The following EMSY variants were observed in gnomAD, a reference collection of about 807,000 sequenced individuals.
EMSY encodes the protein EMSY transcriptional repressor, BRCA2 interacting.
Under a neutral mutation model 134.6 loss-of-function variants are expected in EMSY, and 26 were observed. The observed-to-expected ratio is 0.19, with a 90% CI of 0.14 to 0.27. The LOEUF (loss-of-function observed/expected upper bound fraction) is 0.27. Among genes scored for constraint, EMSY ranks in the 10% least tolerant of loss-of-function variants. EMSY has a pLI of 1.00. For synonymous variants in EMSY, 579 were observed against 577.8 expected, an observed-to-expected ratio of 1.00 and a Z score of -0.03; for missense variants, 1,305 against 1,611.4, an observed-to-expected ratio of 0.81 and a Z score of 3.26.
chr11:76,488,481 T>C (rs2135635640), intron 8 of EMSY, among the ~76,000 whole-genome samples: 1 of 152,098 alleles, frequency 6.6e-6, no homozygotes, highest in East Asian at 1.9e-4. Flanking sequence ...AAAAACAAAG[T>C]TTAATAAAGT....
At chr11:76,542,286 A>G in exon 18 of EMSY, 1 of 1,614,168 alleles carries the variant, frequency 6.2e-7, no homozygotes, top group Non-Finnish European at 8.5e-7. Flanking sequence ...TGGCTCAGTC[A>G]CAGACCGCAA....
chr11:76,446,987 A>C, exon 2 of EMSY: 1 of 1,613,676 alleles, frequency 6.2e-7, no homozygotes, highest in Non-Finnish European at 8.5e-7. Flanking sequence ...GGATGAATGC[A>C]AAAGAATTCT....
At chr11:76,552,857 G>T (rs1415065679), downstream of EMSY, 1 of 152,112 alleles carries the variant, frequency 6.6e-6, no homozygotes, top group Non-Finnish European at 1.5e-5. Flanking sequence ...TTATGGATGT[G>T]CCATAAGAAA....
At chr11:76,510,809 G>A (rs1565332036) in intron 9 of EMSY, among the ~76,000 whole-genome samples, 1 of 152,208 alleles carries the variant, frequency 6.6e-6, no homozygotes, top group Non-Finnish European at 1.5e-5. Flanking sequence ...GGAGCTGGCA[G>A]AGAAGGAATC....
intron 2 of EMSY, among the ~76,000 whole-genome samples, chr11:76,449,669 A>G (rs1947571945): frequency 6.6e-6 from 1 of 152,168 alleles, no homozygotes. Flanking sequence ...ACTGAGTCCT[A>G]TCAAATAAAA....
intron 11 of EMSY, among the ~76,000 whole-genome samples, chr11:76,517,856 A>G (rs1950500640): frequency 6.6e-6 from 1 of 152,086 alleles, no homozygotes; most frequent in Non-Finnish European, 1.5e-5. Context: ...AAACAACTTT[A>G]TTCATTGTGT....
At chr11:76,451,946 A>G (rs753826449) in exon 3 of EMSY, 1 of 1,575,490 alleles carries the variant, frequency 6.3e-7, no homozygotes, top group Non-Finnish European at 8.6e-7. Context: ...GAGAACTATC[A>G]AAAGTTCTTA....
At chr11:76,496,838 G>T in intron 9 of EMSY, 10 of 301,350 alleles carry the variant, frequency 3.3e-5, no homozygotes, top group East Asian at 9.9e-5. Context: ...CTATAAATAG[G>T]GACAGTTTTG....
At chr11:76,480,907 G>A (rs974947900) in intron 8 of EMSY, among the ~76,000 whole-genome samples, 9 of 152,212 alleles carry the variant, frequency 5.9e-5, no homozygotes, top group Non-Finnish European at 1.3e-4. Context: ...CTTTTCCCAT[G>A]GTCTTTGCAA....
chr11:76,535,948 C>T, exon 15 of EMSY: 1 of 1,600,322 alleles, frequency 6.2e-7, no homozygotes, highest in African/African-American at 1.3e-5. Context: ...TTGGTCAGAA[C>T]ATGAGATTGC....
At position 76,548,848 on chromosome 11, in the gene EMSY, C is replaced by T. The variant is rs12272506; in HGVS notation, c.3775-1104C>T. Among the ~76,000 whole-genome samples the T allele has an allele frequency of 6.7e-3, 1,028 of 152,314 alleles. 11 individuals carry two copies. Among genetic ancestry groups the T allele is most frequent in the African/African-American group, 0.023 (972 of 41,562 alleles). ...GGCATATTTGCAAAGTGCTGATATT[C>T]AACTTTGCTCTGGGGTTTTTAATGT... On this transcript the variant is annotated intron_variant, in intron 20 of 20. Coordinates refer to ENST00000334736, the Ensembl canonical transcript of EMSY.
intron 6 of EMSY, among the ~76,000 whole-genome samples, chr11:76,463,420 G>A (rs1373385796): frequency 3.3e-5 from 5 of 150,976 alleles, no homozygotes; most frequent in Middle Eastern, 3.4e-3. Context: ...TCAGGAGATC[G>A]AGACCATCCT....
chr11:76,500,680 A>G (rs1217789903), intron 9 of EMSY, among the ~76,000 whole-genome samples: 1 of 152,234 alleles, frequency 6.6e-6, no homozygotes, highest in Admixed American at 6.5e-5. Context: ...GGGTGTCGTC[A>G]AGGAAAGAAT....
At chr11:76,520,501 A>G (rs904232569) in intron 11 of EMSY, among the ~76,000 whole-genome samples, 1 of 152,182 alleles carries the variant, frequency 6.6e-6, no homozygotes, top group Non-Finnish European at 1.5e-5. Context: ...AAAGTTAATT[A>G]AGAGTTAAAG....
intron 11 of EMSY, among the ~76,000 whole-genome samples, chr11:76,520,678 G>A (rs1340397475): frequency 2.0e-5 from 3 of 152,118 alleles, no homozygotes; most frequent in Non-Finnish European, 2.9e-5. Context: ...ACATATAATG[G>A]CAAATATATT....
At chr11:76,471,007 T>G (rs1948548417) in intron 7 of EMSY, among the ~76,000 whole-genome samples, 1 of 152,114 alleles carries the variant, frequency 6.6e-6, no homozygotes, top group South Asian at 2.1e-4. Context: ...TTTTCTCCAT[T>G]CTTCATATCA....
intron 2 of EMSY, among the ~76,000 whole-genome samples, chr11:76,450,782 A>C (rs1947630478): frequency 7.6e-6 from 1 of 131,564 alleles, no homozygotes; most frequent in African/African-American, 2.9e-5. Context: ...GTGAGCCATG[A>C]AGCCTGGCCA....
At chr11:76,474,388 G>C (rs187823102) in intron 8 of EMSY, among the ~76,000 whole-genome samples, 1 of 152,292 alleles carries the variant, frequency 6.6e-6, no homozygotes, top group South Asian at 2.1e-4. Context: ...TGAGTTTTAT[G>C]TGAATAATAT....
At chr11:76,485,029 A>G (rs555078293) in intron 8 of EMSY, among the ~76,000 whole-genome samples, 1 of 152,278 alleles carries the variant, frequency 6.6e-6, no homozygotes, top group East Asian at 1.9e-4. Context: ...TAGATCAATA[A>G]CAAGTTGTGA....
Sources: allele counts gnomAD v4.1 joint callset (sites outside exome capture counted in the v4.1 genomes callset), GRCh38; gene constraint gnomAD v4.1.1; transcripts MANE v1.5; gene names NCBI Gene and HGNC (gene_info 2026-07-23, HGNC 2026-07-21).